Variants in GPC6 observed in about 807,000 individuals in gnomAD.
GPC6 encodes glypican-6.
A neutral mutation model predicts 55.2 loss-of-function variants in GPC6; 14 were observed. The ratio of observed to expected loss-of-function variants is 0.25; its 90% CI spans 0.17 to 0.40. The LOEUF (loss-of-function observed/expected upper bound fraction) is 0.40. Ranked by LOEUF, GPC6 falls within the 10% of genes least tolerant of loss-of-function variation. The probability of loss-of-function intolerance (pLI) is 1.00; values close to 1 mark genes in which losing one functional copy is unlikely to be tolerated. For synonymous variants in GPC6, 278 were observed against 259.6 expected (o/e 1.07, Z -0.68); for missense variants, 641 against 708.5 (o/e 0.90, Z 1.08).
chr13:93,474,725 C>G (rs998530658), intron 1 of GPC6, among the ~76,000 whole-genome samples: 3 of 152,170 alleles, frequency 2.0e-5, no homozygotes, highest in East Asian at 1.9e-4. Flanking sequence ...AATAGCTGGT[C>G]CTTGCAGTCT....
chr13:93,342,795 T>C (rs1594107677), intron 1 of GPC6, among the ~76,000 whole-genome samples: 1 of 152,178 alleles, frequency 6.6e-6, no homozygotes, highest in East Asian at 1.9e-4. Context: ...GGATGGAACT[T>C]AAATATAATG....
At chr13:94,339,409 C>A (rs1877902280) in intron 6 of GPC6, among the ~76,000 whole-genome samples, 1 of 152,118 alleles carries the variant, frequency 6.6e-6, no homozygotes, top group African/African-American at 2.4e-5. Flanking sequence ...CTAACACCCG[C>A]TGTCATTCAT....
At chr13:94,144,361 C>T (rs182944499) in intron 4 of GPC6, among the ~76,000 whole-genome samples, 1 of 151,144 alleles carries the variant, frequency 6.6e-6, no homozygotes, top group East Asian at 2.0e-4. Flanking sequence ...GCTGTCCATT[C>T]GTACAACCTG....
intron 1 of GPC6, among the ~76,000 whole-genome samples, chr13:93,405,384 G>A (rs1335102879): frequency 1.3e-5 from 2 of 152,196 alleles, no homozygotes; most frequent in Non-Finnish European, 2.9e-5. Context: ...AGAATTTACA[G>A]AACCAGAATT....
At chr13:94,150,891 A>G (rs1429930765) in intron 4 of GPC6, among the ~76,000 whole-genome samples, 1 of 150,304 alleles carries the variant, frequency 6.7e-6, no homozygotes, top group Non-Finnish European at 1.5e-5. Flanking sequence ...CCTGTAAAGC[A>G]TATCACTGAG....
At chr13:94,324,289 C>T (rs1487007624) in intron 6 of GPC6, among the ~76,000 whole-genome samples, 2 of 146,728 alleles carry the variant, frequency 1.4e-5, no homozygotes, top group Non-Finnish European at 3.0e-5. Context: ...AGGTCACCAC[C>T]GAGGACCATC....
chr13:94,079,233 C>T (rs1348863408), intron 4 of GPC6, among the ~76,000 whole-genome samples: 1 of 152,074 alleles, frequency 6.6e-6, no homozygotes, highest in South Asian at 2.1e-4. Flanking sequence ...TGGAACCAGT[C>T]CCCCAAGGAT....
At chr13:94,319,632 C>G (rs1876716220) in intron 6 of GPC6, among the ~76,000 whole-genome samples, 1 of 152,148 alleles carries the variant, frequency 6.6e-6, no homozygotes, top group African/African-American at 2.4e-5. Context: ...TTTTTGCCCT[C>G]ATTCTTGAAA....
intron 4 of GPC6, among the ~76,000 whole-genome samples, chr13:94,262,609 A>T (rs1403195276): frequency 6.7e-6 from 1 of 149,880 alleles, no homozygotes; most frequent in African/African-American, 2.5e-5. Context: ...GGAAGCAAAG[A>T]TTGCAGTGAG....
chr13:93,228,477 G>A (rs1338126780), intron 1 of GPC6, among the ~76,000 whole-genome samples: 2 of 152,182 alleles, frequency 1.3e-5, no homozygotes, highest in African/African-American at 2.4e-5. Context: ...TCCACCAAGA[G>A]CTTGAGAGCG....
Position 93,227,575 on chromosome 13 carries a change from A to T in GPC6, c.119A>T (p.Lys40Met). ...GAGGTCCGCCAGGCGTACGGTGCCA[A>T]GGGATTCAGCCTGGCGGACATCCCC... is the stretch of plus-strand genomic sequence containing the variant. ...CGEVRQAYGA[K>M]GFSLADIPYQ... The change falls in exon 1 of 9, where the codon AAG (lysine) becomes ATG (methionine). Residue 40 changes from lysine (K) to methionine (M), a missense_variant. Coordinates refer to ENST00000377047, the MANE Select transcript of GPC6 (RefSeq NM_005708.5). The surrounding 1 kb of genome is among the most constrained non-coding windows in gnomAD (Gnocchi z 4.3). 1 of 1,611,842 alleles carries T rather than the reference A, an allele frequency of 6.2e-7. No homozygotes were observed. Among genetic ancestry groups the T allele is most frequent in the Non-Finnish European group, 8.5e-7 (1 of 1,179,382 alleles).
intron 3 of GPC6, among the ~76,000 whole-genome samples, chr13:93,990,055 TG>T (rs1881228041): frequency 6.6e-6 from 1 of 151,658 alleles, no homozygotes; most frequent in African/African-American, 2.4e-5. Context: ...TTTTATATCA[TG>T]GAAATGTACA....
intron 1 of GPC6, among the ~76,000 whole-genome samples, chr13:93,457,564 A>G (rs1166369211): frequency 6.6e-6 from 1 of 152,186 alleles, no homozygotes; most frequent in East Asian, 1.9e-4. Flanking sequence ...GCTGTGGCTC[A>G]GTGTTGAGCC....
chr13:93,488,482 C>T (rs539755825), intron 1 of GPC6, among the ~76,000 whole-genome samples: 1 of 152,124 alleles, frequency 6.6e-6, no homozygotes, highest in Admixed American at 6.6e-5. Context: ...TGGCTATATA[C>T]CCAGTAATGG....
intron 4 of GPC6, among the ~76,000 whole-genome samples, chr13:94,089,142 A>G (rs1885390840): frequency 6.6e-6 from 1 of 152,164 alleles, no homozygotes; most frequent in Admixed American, 6.5e-5. Flanking sequence ...AGCCCTTTGT[A>G]CAGTAATCCA....
At chr13:93,436,555 G>A (rs185678932) in intron 1 of GPC6, among the ~76,000 whole-genome samples, 1 of 151,986 alleles carries the variant, frequency 6.6e-6, no homozygotes, top group African/African-American at 2.4e-5. Flanking sequence ...CATAAACAGA[G>A]GTTCAGAAAA....
chr13:94,107,450 G>A (rs61962308), intron 4 of GPC6, among the ~76,000 whole-genome samples: 29,642 of 151,734 alleles, frequency 0.2, 3,617 homozygotes, highest in Non-Finnish European at 0.28. Flanking sequence ...ATAATATGTA[G>A]GCAATCCATT....
rs764819082 is a variant in GPC6 at position 94,270,964 on chromosome 13, A to ATTTTTT, written c.878-15349_878-15344dup. Among the ~76,000 whole-genome samples the ATTTTTT allele has an allele frequency of 2.4e-4, 12 of 49,672 alleles. 1 individual carries two copies. The highest frequency in any genetic ancestry group is 3.3e-4 in the Non-Finnish European group (9 of 27,136). The allele number at this position is 49,672 out of a possible 152,430, so 32.6% of individuals were successfully genotyped here. A position where few individuals can be genotyped will look rare whatever the true frequency, so the allele number is the denominator to read the frequency against. On this transcript the variant is annotated intron_variant, in intron 4 of 8. Transcript: ENST00000377047. The stretch of plus-strand genomic sequence containing the variant: ...AAAGGACCAGAGACAGAGAAGTATA[A>ATTTTTT]TTTTTTTTTTTTTTTTTTTTTTTTT...
At chr13:93,649,320 C>T (rs971155914) in intron 2 of GPC6, among the ~76,000 whole-genome samples, 3 of 152,086 alleles carry the variant, frequency 2.0e-5, no homozygotes, top group East Asian at 1.9e-4. Context: ...GGTCTGGTGG[C>T]TCACTCCTGT....
Sources: gnomAD v4.1 joint callset for allele counts (sites outside exome capture counted in the v4.1 genomes callset) on GRCh38, gnomAD v4.1.1 for gene constraint, Gnocchi (gnomAD v3.1) non-coding constraint, MANE v1.5 for transcripts, NCBI Gene and HGNC (gene_info 2026-07-23, HGNC 2026-07-21) for gene names.